The following SFT2D1 variants were observed in gnomAD, a reference collection of about 807,000 sequenced individuals.
The protein encoded by SFT2D1 is SFT2 domain containing 1, also known as vesicle transport protein SFT2A.
In SFT2D1, 24 loss-of-function variants were observed where a neutral mutation model predicts 28.1. The ratio of observed to expected loss-of-function variants is 0.85; its 90% CI spans 0.62 to 1.20. The LOEUF (loss-of-function observed/expected upper bound fraction) is 1.20. SFT2D1 is among the 50% of genes most tolerant of loss of function. The pLI is 0.00. For missense variants in SFT2D1, 181 were observed against 190.9 expected, an observed-to-expected ratio of 0.95 and a Z score of 0.31; for synonymous variants, 82 against 73.7, an observed-to-expected ratio of 1.11 and a Z score of -0.58.
chr6:166,321,022 A>G (rs1479751259), intron 7 of SFT2D1, among the ~76,000 whole-genome samples: 1 of 152,102 alleles, frequency 6.6e-6, no homozygotes, highest in Non-Finnish European at 1.5e-5. Flanking sequence ...GAGCCAGGAG[A>G]AACTCTTGAA....
At position 166,320,206 on chromosome 6, in the gene SFT2D1, G is replaced by C. The variant is rs371169424; in HGVS notation, c.*11C>G. The C allele has an allele frequency of 1.2e-6, 2 of 1,609,914 alleles. No individual in the cohort carries two copies. Among genetic ancestry groups the C allele is most frequent in the African/African-American group, 2.7e-5 (2 of 74,760 alleles). The stretch of plus-strand genomic sequence containing the variant: ...AACATTCAAGTGCTCTTTTCCACAA[G>C]TTTCTGATTTTCAACTTAGGAGAGA... On this transcript the variant is annotated 3_prime_UTR_variant, in exon 8 of 8. Transcript: ENST00000361731.
intron 1 of SFT2D1, among the ~76,000 whole-genome samples, chr6:166,330,922 C>G (rs1562444627): frequency 6.6e-6 from 1 of 152,218 alleles, no homozygotes; most frequent in Non-Finnish European, 1.5e-5. Context: ...CAGACGGTAC[C>G]CGTTCTAAGC....
chr6:166,342,544 AC>A lies in SFT2D1; in HGVS notation c.-64del. 7.2e-7 allele frequency: 1 copy of A among 1,390,660 alleles called. No individual in the cohort carries two copies. The allele number at this position is 1,390,660 out of a possible 1,614,324, so 86.1% of individuals were successfully genotyped here. ...GCCTGCCCCTGACGCCCACCAGGAA[AC>A]CCCGAACCCGAAACCCCACAGACCA... On this transcript the variant is annotated 5_prime_UTR_variant, in exon 1 of 8. Coordinates refer to ENST00000361731, the MANE Select transcript of SFT2D1 (RefSeq NM_145169.3).
At chr6:166,337,139 A>C (rs1013695086) in intron 1 of SFT2D1, among the ~76,000 whole-genome samples, 19 of 152,182 alleles carry the variant, frequency 1.2e-4, no homozygotes, top group Non-Finnish European at 2.8e-4. Context: ...AGGTGCAGTC[A>C]AGGTCCCAGG....
intron 7 of SFT2D1, among the ~76,000 whole-genome samples, chr6:166,320,721 T>C (rs1035004610): frequency 6.6e-6 from 1 of 150,812 alleles, no homozygotes; most frequent in Non-Finnish European, 1.5e-5. Context: ...CTTGCTATGA[T>C]GCCCAAGCTG....
chr6:166,322,507 T>C (rs1225828616), intron 7 of SFT2D1, among the ~76,000 whole-genome samples: 2 of 151,816 alleles, frequency 1.3e-5, no homozygotes, highest in East Asian at 1.9e-4. Context: ...CTGGCCAACA[T>C]GGTGAAATCC....
intron 5 of SFT2D1, among the ~76,000 whole-genome samples, chr6:166,325,558 G>T (rs1778429520): frequency 6.6e-6 from 1 of 152,128 alleles, no homozygotes; most frequent in Non-Finnish European, 1.5e-5. Flanking sequence ...GTGTTTTCTG[G>T]CCCTCTCTAT....
rs141234900 is a variant in SFT2D1 at position 166,332,382 on chromosome 6, T to C, written c.64-2135A>G. Among the ~76,000 whole-genome samples the C allele has an allele frequency of 2.8e-3, 429 of 152,250 alleles. 4 individuals carry two copies. The highest frequency in any genetic ancestry group is 5.0e-3 in the Non-Finnish European group (337 of 68,016). ...TGATTCTCCTACCTCAGTCTCCCAA[T>C]TAGCTGGGACTACAGGTCCACGCCA... On this transcript the variant is annotated intron_variant, in intron 1 of 7. Coordinates refer to ENST00000361731, the MANE Select transcript of SFT2D1 (RefSeq NM_145169.3).
chr6:166,325,071 T>A (rs971121913), intron 5 of SFT2D1, among the ~76,000 whole-genome samples: 11 of 152,218 alleles, frequency 7.2e-5, no homozygotes, highest in Non-Finnish European at 1.3e-4. Flanking sequence ...CCATGGTTGT[T>A]TTAAAATATT....
intron 1 of SFT2D1, among the ~76,000 whole-genome samples, chr6:166,337,233 G>A (rs1381894484): frequency 6.6e-6 from 1 of 152,218 alleles, no homozygotes; most frequent in South Asian, 2.1e-4. Flanking sequence ...TGAGGCTGTA[G>A]GAGTAGACGG....
At chr6:166,339,959 C>T (rs749408170) in intron 1 of SFT2D1, among the ~76,000 whole-genome samples, 1 of 152,200 alleles carries the variant, frequency 6.6e-6, no homozygotes, top group East Asian at 1.9e-4. Flanking sequence ...TCAGACTTCA[C>T]GTCCACACTG....
At chr6:166,324,643 A>G in intron 5 of SFT2D1, 48 bp from the exon 6 acceptor site, 2 of 1,545,098 alleles carry the variant, frequency 1.3e-6, no homozygotes, top group Non-Finnish European at 1.8e-6. Context: ...AGTTTTAAAA[A>G]CATCTTTCTC....
At chr6:166,335,000 G>A (rs1289969965) in intron 1 of SFT2D1, 6 of 491,594 alleles carry the variant, frequency 1.2e-5, no homozygotes, top group Admixed American at 2.3e-5. Context: ...CAGAGGTAGT[G>A]CCAAGAAAAG....
chr6:166,324,497 A>G (rs1168248286), intron 6 of SFT2D1, 40 bp downstream of exon 6: 6 of 1,581,298 alleles, frequency 3.8e-6, no homozygotes, highest in Non-Finnish European at 5.2e-6. Flanking sequence ...GTCACGTCTC[A>G]GGCAATTTTA....
At chr6:166,334,902 C>A in intron 1 of SFT2D1, 1 of 420,500 alleles carries the variant, frequency 2.4e-6, no homozygotes, top group Non-Finnish European at 4.6e-6. Context: ...AAGATATTTG[C>A]TGGCGGCATT....
intron 5 of SFT2D1, 100 bp from the exon 6 acceptor site, chr6:166,324,695 CT>C (rs1554262728): frequency 2.9e-6 from 3 of 1,028,220 alleles, no homozygotes; most frequent in Non-Finnish European, 2.8e-6. Flanking sequence ...TAGATGATGG[CT>C]TCATTTATCT....
intron 1 of SFT2D1, among the ~76,000 whole-genome samples, chr6:166,332,786 C>A (rs971114708): frequency 2.0e-5 from 3 of 152,252 alleles, no homozygotes; most frequent in Non-Finnish European, 4.4e-5. Context: ...ATTCCCGCCA[C>A]AGTAAGCACA....
At chr6:166,320,942 A>G (rs1778342505) in intron 7 of SFT2D1, among the ~76,000 whole-genome samples, 1 of 152,278 alleles carries the variant, frequency 6.6e-6, no homozygotes, top group East Asian at 1.9e-4. Flanking sequence ...CATCTCTACT[A>G]AAAAACACAA....
intron 5 of SFT2D1, 90 bp from the exon 6 acceptor site, chr6:166,324,685 T>C: frequency 2.6e-6 from 3 of 1,137,524 alleles, no homozygotes; most frequent in Non-Finnish European, 3.8e-6. Context: ...TTCAAAAATG[T>C]AGATGATGGC....
Sources: gnomAD v4.1 joint callset for allele counts (sites outside exome capture counted in the v4.1 genomes callset) on GRCh38, gnomAD v4.1.1 for gene constraint, MANE v1.5 for transcripts, NCBI Gene and HGNC (gene_info 2026-07-23, HGNC 2026-07-21) for gene names.